Variants in GALNT13 observed in about 807,000 individuals in gnomAD.
The protein encoded by GALNT13 is polypeptide N-acetylgalactosaminyltransferase 13, also known as UDP-GalNAc:polypeptide N-acetylgalactosaminyltransferase 13.
Under a neutral mutation model 64.2 loss-of-function variants are expected in GALNT13, and 28 were observed. The observed-to-expected ratio is 0.44, with a 90% CI of 0.32 to 0.60. The LOEUF (loss-of-function observed/expected upper bound fraction) is 0.60, where lower values mean the gene tolerates loss of function less well. Ranked by LOEUF, GALNT13 falls within the 20% of genes least tolerant of loss-of-function variation. The pLI, the probability that GALNT13 is intolerant of heterozygous loss-of-function variation, is 0.05. For missense variants in GALNT13, 577 were observed against 669.8 expected, an observed-to-expected ratio of 0.86 and a Z score of 1.53; for synonymous variants, 214 against 224.6, an observed-to-expected ratio of 0.95 and a Z score of 0.42.
At chr2:153,588,953 T>C in the GALNT13 span, among the ~76,000 whole-genome samples, 1 of 151,996 alleles carries the variant, frequency 6.6e-6, no homozygotes, top group Admixed American at 6.6e-5. Context: ...GATCACCTGA[T>C]GTTGGGAGTT....
intron 4 of GALNT13, among the ~76,000 whole-genome samples, chr2:154,211,823 A>G (rs549826043): frequency 1.3e-5 from 2 of 152,100 alleles, no homozygotes; most frequent in South Asian, 4.2e-4. Flanking sequence ...CCAAGAAGTG[A>G]GTATGAAAGT....
At chr2:153,093,369 G>A in the GALNT13 span, among the ~76,000 whole-genome samples, 1 of 151,490 alleles carries the variant, frequency 6.6e-6, no homozygotes, top group African/African-American at 2.4e-5. Flanking sequence ...CTCTCGAGTA[G>A]CTGGGACTAC....
chr2:153,645,324 A>G, the GALNT13 span, among the ~76,000 whole-genome samples: 2 of 152,118 alleles, frequency 1.3e-5, no homozygotes, highest in Non-Finnish European at 2.9e-5. Context: ...TTCTTTTCCA[A>G]TAGCATAATT....
the GALNT13 span, among the ~76,000 whole-genome samples, chr2:153,733,349 T>C: frequency 1.3e-5 from 2 of 152,146 alleles, no homozygotes; most frequent in African/African-American, 4.8e-5. Context: ...CTTCATGTGT[T>C]CTGAAAACTT....
the GALNT13 span, among the ~76,000 whole-genome samples, chr2:153,307,400 A>G: frequency 6.6e-6 from 1 of 152,174 alleles, no homozygotes. Flanking sequence ...TTTGAAAAAA[A>G]TAGAAATGGC....
At chr2:154,307,116 A>T (rs1693783175) in intron 9 of GALNT13, among the ~76,000 whole-genome samples, 1 of 152,062 alleles carries the variant, frequency 6.6e-6, no homozygotes, top group Admixed American at 6.6e-5. Context: ...GATCCCTTTC[A>T]CTGTTACAAT....
At chr2:154,151,354 G>A (rs1021524278) in intron 4 of GALNT13, among the ~76,000 whole-genome samples, 1 of 152,126 alleles carries the variant, frequency 6.6e-6, no homozygotes, top group African/African-American at 2.4e-5. Flanking sequence ...TTCCAAGTAT[G>A]TGGTCAATTT....
chr2:153,401,410 G>T, the GALNT13 span, among the ~76,000 whole-genome samples: 7 of 151,630 alleles, frequency 4.6e-5, no homozygotes, highest in Admixed American at 1.3e-4. Flanking sequence ...CTGTTGATTT[G>T]GGGTGGAGAG....
the GALNT13 span, among the ~76,000 whole-genome samples, chr2:153,567,601 G>A: frequency 7.2e-5 from 11 of 152,330 alleles, no homozygotes; most frequent in South Asian, 2.3e-3. Context: ...AAGTCCGTGG[G>A]TAAAGAGGAA....
At chr2:153,140,280 A>G in the GALNT13 span, among the ~76,000 whole-genome samples, 10 of 152,024 alleles carry the variant, frequency 6.6e-5, no homozygotes, top group Non-Finnish European at 1.0e-4. Context: ...CGAGAACCCG[A>G]TAAGTTAACT....
chr2:153,450,263 TTAAG>T, the GALNT13 span, among the ~76,000 whole-genome samples: 1 of 152,202 alleles, frequency 6.6e-6, no homozygotes, highest in Non-Finnish European at 1.5e-5. Context: ...AAACTGCAAA[TTAAG>T]TTTCTTCCAG....
At chr2:154,139,602 C>T (rs1157627336) in intron 3 of GALNT13, among the ~76,000 whole-genome samples, 1 of 144,916 alleles carries the variant, frequency 6.9e-6, no homozygotes, top group Non-Finnish European at 1.5e-5. Context: ...TATTAGCATG[C>T]ATACAGGTAT....
At chr2:153,639,772 G>A in the GALNT13 span, among the ~76,000 whole-genome samples, 1 of 152,156 alleles carries the variant, frequency 6.6e-6, no homozygotes. Flanking sequence ...ATTGTATTGA[G>A]GAATTTGAGA....
chr2:153,511,424 T>C, the GALNT13 span, among the ~76,000 whole-genome samples: 1 of 152,048 alleles, frequency 6.6e-6, no homozygotes, highest in Non-Finnish European at 1.5e-5. Flanking sequence ...ATAGATTCAG[T>C]AGGGTTTCAA....
At chr2:154,388,994 G>C (rs1698649622) in intron 9 of GALNT13, among the ~76,000 whole-genome samples, 1 of 152,102 alleles carries the variant, frequency 6.6e-6, no homozygotes, top group African/African-American at 2.4e-5. Context: ...TACAATAGCT[G>C]TATAATAAAC....
chr2:153,162,786 C>T, the GALNT13 span, among the ~76,000 whole-genome samples: 22 of 152,260 alleles, frequency 1.4e-4, no homozygotes, highest in East Asian at 5.8e-4. Context: ...ATAAGTTGAT[C>T]AGTTCTGACC....
the GALNT13 span, among the ~76,000 whole-genome samples, chr2:153,596,914 G>A: frequency 6.6e-6 from 1 of 151,806 alleles, no homozygotes; most frequent in Non-Finnish European, 1.5e-5. Flanking sequence ...AAATTATGTA[G>A]GAAGACTAAA....
chr2:153,373,459 G>T, the GALNT13 span, among the ~76,000 whole-genome samples: 1 of 152,000 alleles, frequency 6.6e-6, no homozygotes, highest in African/African-American at 2.4e-5. Context: ...TACCCAACCT[G>T]GCCTCAGTTG....
At chr2:153,300,209 G>T in the GALNT13 span, among the ~76,000 whole-genome samples, 1 of 152,168 alleles carries the variant, frequency 6.6e-6, no homozygotes, top group African/African-American at 2.4e-5. Context: ...CCCTAGTTAG[G>T]TGCAATAAGA....
Sources: allele counts gnomAD v4.1 joint callset (sites outside exome capture counted in the v4.1 genomes callset), GRCh38; gene constraint gnomAD v4.1.1; transcripts MANE v1.5; gene names NCBI Gene and HGNC (gene_info 2026-07-23, HGNC 2026-07-21).